RGL1: variants seen among roughly 807,000 people sequenced by gnomAD.
RGL1 encodes ral guanine nucleotide dissociation stimulator like 1, also known as ral guanine nucleotide dissociation stimulator-like 1.
Under a neutral mutation model 95.2 loss-of-function variants are expected in RGL1, and 24 were observed. The observed-to-expected ratio is 0.25, with a 90% CI of 0.18 to 0.35. The LOEUF is 0.35. RGL1 is among the 10% of genes least tolerant of loss of function. The probability of loss-of-function intolerance (pLI) is 1.00; values close to 1 mark genes in which losing one functional copy is unlikely to be tolerated. For missense variants in RGL1, 715 were observed against 936.3 expected (o/e 0.76, Z 3.08); for synonymous variants, 329 against 344.9 (o/e 0.95, Z 0.51).
chr1:183,918,201 G>A (rs1048910174), intron 16 of RGL1, among the ~76,000 whole-genome samples: 1 of 152,202 alleles, frequency 6.6e-6, no homozygotes, highest in African/African-American at 2.4e-5. Flanking sequence ...CTGATAGATG[G>A]TCAGAAACAT....
At chr1:183,669,473 G>T (rs557937880) in intron 1 of RGL1, among the ~76,000 whole-genome samples, 80 of 152,228 alleles carry the variant, frequency 5.3e-4, no homozygotes, top group Non-Finnish European at 1.0e-3. Flanking sequence ...TTTCTGGTCT[G>T]GTAATTCTAG....
intron 1 of RGL1, among the ~76,000 whole-genome samples, chr1:183,701,967 G>GT (rs1654623951): frequency 6.6e-6 from 1 of 152,146 alleles, no homozygotes; most frequent in Middle Eastern, 3.4e-3. Flanking sequence ...ATATTTTATT[G>GT]TTTTTTGCAT....
chr1:183,776,564 TTAA>T (rs1659614948), intron 2 of RGL1, among the ~76,000 whole-genome samples: 1 of 152,108 alleles, frequency 6.6e-6, no homozygotes, highest in South Asian at 2.1e-4. Context: ...CTAAGAGGAA[TTAA>T]TGATGTGTAG....
intron 1 of RGL1, among the ~76,000 whole-genome samples, chr1:183,679,823 C>T (rs1483704539): frequency 6.6e-6 from 1 of 152,168 alleles, no homozygotes; most frequent in Non-Finnish European, 1.5e-5. Flanking sequence ...CTAATTTACA[C>T]TCTCACTAAC....
intron 1 of RGL1, among the ~76,000 whole-genome samples, chr1:183,707,825 A>C (rs1655013384): frequency 6.7e-6 from 1 of 150,196 alleles, no homozygotes; most frequent in African/African-American, 2.5e-5. Context: ...GGGGAGAGGT[A>C]GGGGCTGGGA....
intron 2 of RGL1, among the ~76,000 whole-genome samples, chr1:183,814,999 C>T (rs550580668): frequency 5.3e-5 from 8 of 152,318 alleles, no homozygotes; most frequent in African/African-American, 9.6e-5. Context: ...TGGCTGAGCG[C>T]GGTGGCTCTC....
chr1:183,647,851 T>A (rs560047196), intron 1 of RGL1: 1 of 1,614,196 alleles, frequency 6.2e-7, no homozygotes, highest in Non-Finnish European at 8.5e-7. Flanking sequence ...CTGGGTTTAT[T>A]TGGGTTTTGG....
At chr1:183,754,285 G>C (rs1658203623) in intron 2 of RGL1, 1 of 152,094 alleles carries the variant, frequency 6.6e-6, no homozygotes, top group Admixed American at 6.5e-5. Context: ...ATGCAGTGGG[G>C]ATTTCCTGTT....
chr1:183,673,329 A>G lies in RGL1; in HGVS notation c.-33+36828A>G, dbSNP rs75859136. Among the ~76,000 whole-genome samples the G allele has an allele frequency of 9.2e-4, 140 of 152,316 alleles. 3 individuals are homozygous for G. The East Asian group carries it at 0.024, about 27-fold the overall frequency. On this transcript the variant is annotated intron_variant, in intron 1 of 18. Coordinates refer to the RGL1 transcript ENST00000304685. ...TATAGGTAGCATAAATTTGAAACTC[A>G]TGTTTGGGGAACCTTTTTCTTTCTC...
At chr1:183,744,012 T>C (rs553156695) in intron 2 of RGL1, among the ~76,000 whole-genome samples, 119 of 152,266 alleles carry the variant, frequency 7.8e-4, no homozygotes, top group African/African-American at 2.7e-3. Context: ...TCTAAACTGG[T>C]CCCTTCCCCT....
At chr1:183,896,946 T>A (rs1465912880) in intron 9 of RGL1, among the ~76,000 whole-genome samples, 2 of 152,148 alleles carry the variant, frequency 1.3e-5, no homozygotes, top group Non-Finnish European at 1.5e-5. Context: ...CTTTTATGGA[T>A]TGGTCATGTA....
chr1:183,755,693 A>T (rs1019058667), intron 2 of RGL1, among the ~76,000 whole-genome samples: 4 of 152,150 alleles, frequency 2.6e-5, no homozygotes, highest in African/African-American at 9.7e-5. Flanking sequence ...AGTTGATCTT[A>T]AAAAACGGAC....
intron 2 of RGL1, among the ~76,000 whole-genome samples, chr1:183,744,445 CTT>C (rs34691557): frequency 0.18 from 27,083 of 151,900 alleles, 3,299 homozygotes; most frequent in African/African-American, 0.35. Context: ...AGCACTCACT[CTT>C]AGGTTTATGC....
rs577258005 is a variant in RGL1 at position 183,682,672 on chromosome 1, G to A, written c.-33+46171G>A. Among the ~76,000 whole-genome samples the A allele has an allele frequency of 4.5e-3, 691 of 152,248 alleles. 2 individuals are homozygous for A. The highest frequency in any genetic ancestry group is 8.1e-3 in the Non-Finnish European group (553 of 68,000). On this transcript the variant is annotated intron_variant, in intron 1 of 18. Transcript: ENST00000304685. ...ATTTGGGGTGGAGAGTTCTGTAGAC[G>A]TCTATTAGATGTGCTTGGTCCAGAG...
Position 183,926,185 on chromosome 1 carries a change from A to G in RGL1, c.2200A>G (p.Asn734Asp), listed in dbSNP as rs1291768000. The G allele has an allele frequency of 6.2e-7, 1 of 1,614,194 alleles. No individual in the cohort carries two copies. The highest frequency in any genetic ancestry group is 1.1e-5 in the South Asian group (1 of 91,080). The change falls in exon 18 of 18, where the codon AAC becomes GAC. Residue 734 changes from asparagine (N) to aspartate (D), a missense_variant. By Grantham distance (23) the Asn-to-Asp change is conservative (BLOSUM62 1). This residue lies in a region of RGL1 where 330 missense variants were observed against 429.6 expected (regional missense o/e 0.77). Transcript: ENST00000360851. ...CTTTGACTTCATTTTGCGCAAAAAG[A>G]ACTCCATGGAAGAACAAGTGAAACT... ...VNFDFILRKKNSMEEQVKLRS... is the reference protein window; with the variant it reads ...VNFDFILRKKDSMEEQVKLRS...
At chr1:183,843,533 T>C (rs1558243078) in intron 2 of RGL1, among the ~76,000 whole-genome samples, 1 of 152,240 alleles carries the variant, frequency 6.6e-6, no homozygotes, top group Non-Finnish European at 1.5e-5. Context: ...TCAGGTCCTT[T>C]GACAAGCATT....
intron 2 of RGL1, among the ~76,000 whole-genome samples, chr1:183,816,925 T>A (rs558916409): frequency 6.6e-6 from 1 of 152,100 alleles, no homozygotes; most frequent in East Asian, 1.9e-4. Flanking sequence ...CAGCAAGGCT[T>A]CTGTTTGTAG....
intron 2 of RGL1, among the ~76,000 whole-genome samples, chr1:183,809,971 A>T (rs1478799015): frequency 1.3e-5 from 2 of 152,104 alleles, no homozygotes; most frequent in Admixed American, 1.3e-4. Context: ...AAAAAGAAGT[A>T]ATTTCACCCA....
At chr1:183,659,648 G>A (rs1302951016) in intron 1 of RGL1, among the ~76,000 whole-genome samples, 3 of 152,092 alleles carry the variant, frequency 2.0e-5, no homozygotes, top group Admixed American at 2.0e-4. Context: ...GTATTATCCA[G>A]GAGAACTTCC....
Sources: gnomAD v4.1 joint callset for allele counts (sites outside exome capture counted in the v4.1 genomes callset) on GRCh38, gnomAD v4.1.1 for gene constraint, gnomAD v4.1.1 regional missense constraint, MANE v1.5 for transcripts, NCBI Gene and HGNC (gene_info 2026-07-23, HGNC 2026-07-21) for gene names.